The following DLG2 variants were observed in gnomAD, a reference collection of about 807,000 sequenced individuals.
DLG2 encodes disks large homolog 2.
In DLG2, 45 loss-of-function variants were observed where a neutral mutation model predicts 132.5. The observed-to-expected ratio is 0.34, with a 90% CI of 0.27 to 0.44. DLG2 has a LOEUF of 0.44. Ranked by LOEUF, DLG2 falls within the 20% of genes least tolerant of loss-of-function variation. The pLI, the probability that DLG2 is intolerant of heterozygous loss-of-function variation, is 1.00. For synonymous variants in DLG2, 424 were observed against 419.6 expected (o/e 1.01, Z -0.13); for missense variants, 1,045 against 1,196.9 (o/e 0.87, Z 1.87).
intron 3 of DLG2, among the ~76,000 whole-genome samples, chr11:85,467,601 C>T (rs1274676197): frequency 6.6e-6 from 1 of 152,088 alleles, no homozygotes; most frequent in Non-Finnish European, 1.5e-5. Context: ...TGTTTATATG[C>T]TGGATTACAT....
intron 21 of DLG2, among the ~76,000 whole-genome samples, chr11:83,508,551 C>A (rs1182332312): frequency 2.6e-5 from 4 of 151,636 alleles, no homozygotes; most frequent in Non-Finnish European, 5.9e-5. Context: ...CCAGAATATA[C>A]ATTCTTAATA....
chr11:83,556,673 G>T (rs958441441), intron 19 of DLG2, among the ~76,000 whole-genome samples: 2 of 152,126 alleles, frequency 1.3e-5, no homozygotes, highest in Non-Finnish European at 2.9e-5. Flanking sequence ...CACCCAGCCC[G>T]ATACCATTTT....
At chr11:84,531,919 A>T (rs1396778474) in intron 7 of DLG2, among the ~76,000 whole-genome samples, 7 of 152,142 alleles carry the variant, frequency 4.6e-5, no homozygotes, top group African/African-American at 1.7e-4. Flanking sequence ...TCCTTTGTTT[A>T]TATGAGATCT....
chr11:85,267,891 T>C (rs923769057), intron 4 of DLG2, among the ~76,000 whole-genome samples: 1 of 151,566 alleles, frequency 6.6e-6, no homozygotes, highest in African/African-American at 2.4e-5. Context: ...TGTATGTGTG[T>C]GTGTGTGTGT....
chr11:84,691,516 G>A (rs1354719837), intron 6 of DLG2, among the ~76,000 whole-genome samples: 1 of 151,748 alleles, frequency 6.6e-6, no homozygotes, highest in Non-Finnish European at 1.5e-5. Flanking sequence ...ACATCAGTTG[G>A]TAACTACCAA....
rs1030601917 is a variant in DLG2 at position 85,296,708 on chromosome 11, A to G, written c.41-11343T>C. Among the ~76,000 whole-genome samples, 9 of 151,452 alleles carry G rather than the reference A, an allele frequency of 5.9e-5. No individual in the cohort carries two copies. The East Asian group carries it at 1.7e-3, about 29-fold the overall frequency. The stretch of plus-strand genomic sequence containing the variant: ...AGGATGAATTTAAATGAAAGTCTGT[A>G]ATTTCACCTGGAATTGGTCCAGTAA... On this transcript the variant is annotated intron_variant, in intron 3 of 27. Coordinates refer to ENST00000376104, the MANE Select transcript of DLG2 (RefSeq NM_001142699.3).
chr11:84,264,916 T>C (rs1173323891), intron 7 of DLG2, among the ~76,000 whole-genome samples: 1 of 152,196 alleles, frequency 6.6e-6, no homozygotes, highest in Non-Finnish European at 1.5e-5. Context: ...GTCAAGTCAC[T>C]TAACTCTCTG....
chr11:85,519,701 G>A (rs1049405772), intron 3 of DLG2, among the ~76,000 whole-genome samples: 5 of 152,182 alleles, frequency 3.3e-5, no homozygotes, highest in Non-Finnish European at 5.9e-5. Flanking sequence ...GGAGGGGTCA[G>A]GGGTGGAATA....
intron 4 of DLG2, among the ~76,000 whole-genome samples, chr11:85,212,087 T>A (rs1027291464): frequency 6.6e-6 from 1 of 152,152 alleles, no homozygotes; most frequent in African/African-American, 2.4e-5. Flanking sequence ...TATATCCATA[T>A]ATCCCACCTT....
At chr11:84,182,869 A>AT (rs35519037) in intron 8 of DLG2, among the ~76,000 whole-genome samples, 9,857 of 152,240 alleles carry the variant, frequency 0.065, 395 homozygotes, top group African/African-American at 0.1. Context: ...TAAGAAAAAA[A>AT]ATGACAAAAT....
intron 6 of DLG2, among the ~76,000 whole-genome samples, chr11:84,935,232 C>T (rs79430740): frequency 1.5e-3 from 229 of 152,246 alleles, no homozygotes; most frequent in Middle Eastern, 6.8e-3. Flanking sequence ...GCAGAAATCA[C>T]CTAAATGTTT....
intron 7 of DLG2, among the ~76,000 whole-genome samples, chr11:84,344,555 C>A (rs1600269615): frequency 1.3e-5 from 2 of 152,286 alleles, no homozygotes; most frequent in Middle Eastern, 6.8e-3. Flanking sequence ...TGAAGTGCAA[C>A]CAGACATTGA....
At chr11:84,442,888 G>T (rs1022792007) in intron 7 of DLG2, among the ~76,000 whole-genome samples, 7 of 152,020 alleles carry the variant, frequency 4.6e-5, no homozygotes, top group East Asian at 1.9e-4. Context: ...GCAAAGCAAA[G>T]GAATAGCTAC....
intron 3 of DLG2, chr11:85,469,566 C>A (rs944863511): frequency 6.6e-6 from 1 of 152,118 alleles, no homozygotes; most frequent in Admixed American, 6.6e-5. Context: ...TATGTCATGG[C>A]CAAAATTGAT....
intron 3 of DLG2, among the ~76,000 whole-genome samples, chr11:85,575,595 C>T (rs911185346): frequency 5.3e-5 from 8 of 151,560 alleles, no homozygotes; most frequent in Non-Finnish European, 1.2e-4. Flanking sequence ...TCCTGGTATT[C>T]CTGGAATGAT....
chr11:83,702,188 A>G (rs968337988), intron 18 of DLG2, among the ~76,000 whole-genome samples: 9 of 152,108 alleles, frequency 5.9e-5, no homozygotes, highest in African/African-American at 2.2e-4. Context: ...CTTCTCTTAA[A>G]CAGGTAGTTC....
chr11:85,108,651 T>A (rs567946843), intron 6 of DLG2, among the ~76,000 whole-genome samples: 20 of 152,170 alleles, frequency 1.3e-4, no homozygotes, highest in Non-Finnish European at 2.5e-4. Flanking sequence ...ATATTTGAAA[T>A]AGATTATAAA....
chr11:84,901,516 C>T (rs11234233), intron 6 of DLG2, among the ~76,000 whole-genome samples: 25,527 of 151,970 alleles, frequency 0.17, 2,401 homozygotes, highest in African/African-American at 0.25. Context: ...AATGAATATC[C>T]TTCAAAATTA....
chr11:84,722,867 G>C (rs553790457), intron 6 of DLG2, among the ~76,000 whole-genome samples: 4 of 152,270 alleles, frequency 2.6e-5, no homozygotes, highest in African/African-American at 9.6e-5. Context: ...AATCAGTACT[G>C]ATTCAATCTA....
Sources: gnomAD v4.1 joint callset for allele counts (sites outside exome capture counted in the v4.1 genomes callset) on GRCh38, gnomAD v4.1.1 for gene constraint, MANE v1.5 for transcripts, NCBI Gene and HGNC (gene_info 2026-07-23, HGNC 2026-07-21) for gene names.